Variants in SDC3 observed in about 807,000 individuals in gnomAD.
SDC3 encodes syndecan-3.
SDC3 carries 13 observed loss-of-function variants against 24.4 expected under a neutral mutation model. The observed-to-expected ratio is 0.53, with a 90% CI of 0.35 to 0.85. The LOEUF (loss-of-function observed/expected upper bound fraction) is 0.85. SDC3 is among the 40% of genes least tolerant of loss of function. The pLI is 0.01. For missense variants in SDC3, 571 were observed against 584.5 expected (o/e 0.98, Z 0.24); for synonymous variants, 295 against 260.9 (o/e 1.13, Z -1.26).
rs756547804 is a variant in SDC3 at position 30,888,666 on chromosome 1, G to A, written c.139-9926C>T. Among the ~76,000 whole-genome samples, 7 of 152,262 alleles carry A rather than the reference G, an allele frequency of 4.6e-5. No individual in the cohort carries two copies. In the South Asian group the frequency reaches 8.3e-4, roughly 18 times the overall value. On this transcript the variant is annotated intron_variant, in intron 1 of 4. Coordinates refer to ENST00000339394, the MANE Select transcript of SDC3 (RefSeq NM_014654.4). The stretch of plus-strand genomic sequence containing the variant: ...CTGAGGAGGCGGGCTGTGGTTCCCC[G>A]CACCCTCCTGTTTGCTGGGTTATTT...
intron 1 of SDC3, among the ~76,000 whole-genome samples, chr1:30,904,866 G>T (rs1638484744): frequency 6.6e-6 from 1 of 152,142 alleles, no homozygotes; most frequent in Non-Finnish European, 1.5e-5. Flanking sequence ...TGGCAGGTGT[G>T]CTCGGTCTAC....
rs759931252 is a variant in SDC3, at chr1:30,876,674, T to C, written c.748A>G (p.Ser250Gly). The change falls in exon 3 of 5, where the codon AGC (serine) becomes GGC (glycine). Residue 250 changes from serine to glycine, a missense_variant. This residue lies in a region of SDC3 where 497 missense variants were observed against 471.6 expected (regional missense o/e 1.05). Coordinates refer to ENST00000339394, the MANE Select transcript of SDC3 (RefSeq NM_014654.4). The part of the protein sequence containing the change: ...DTEAPTPRLV[S>G]TATSRPRALP... ...GCTCTTGGCCGGGAGGTAGCTGTGC[T>C]GACCAGCCTGGGTGTTGGGGCCTCG... The C allele has an allele frequency of 6.2e-7, 1 of 1,602,742 alleles. No homozygotes were observed. Among genetic ancestry groups the C allele is most frequent in the Non-Finnish European group, 8.5e-7 (1 of 1,174,374 alleles).
At position 30,885,709 on chromosome 1, in the gene SDC3, C is replaced by T. The variant is rs1190449450; in HGVS notation, c.139-6969G>A. On this transcript the variant is annotated intron_variant, in intron 1 of 4. Coordinates refer to ENST00000339394, the MANE Select transcript of SDC3 (RefSeq NM_014654.4). ...CAGGCTGGCTTGGCAGGACCTGGCTCCCTCCCCTGGCATCAGCCTGTCTGG... is the reference window on the plus strand; with the variant it reads ...CAGGCTGGCTTGGCAGGACCTGGCTTCCTCCCCTGGCATCAGCCTGTCTGG... Among the ~76,000 whole-genome samples the T allele has an allele frequency of 6.6e-5, 10 of 152,342 alleles. 1 individual carries two copies. In the South Asian group the frequency reaches 1.9e-3, roughly 28 times the overall value.
At chr1:30,907,284 C>T (rs893792488) in intron 1 of SDC3, among the ~76,000 whole-genome samples, 1 of 152,174 alleles carries the variant, frequency 6.6e-6, no homozygotes, top group African/African-American at 2.4e-5. Context: ...TCATCTGGGG[C>T]CTGGATCCCT....
At chr1:30,899,923 G>A (rs759134399) in intron 1 of SDC3, among the ~76,000 whole-genome samples, 38 of 152,216 alleles carry the variant, frequency 2.5e-4, no homozygotes, top group Non-Finnish European at 4.8e-4. Flanking sequence ...TGCTGAGTGA[G>A]CAACGCAGTC....
chr1:30,903,175 G>A (rs1638448067), intron 1 of SDC3, among the ~76,000 whole-genome samples: 1 of 152,182 alleles, frequency 6.6e-6, no homozygotes, highest in Non-Finnish European at 1.5e-5. Flanking sequence ...AATGGGGCCA[G>A]TGCTCAGAGA....
At chr1:30,896,735 G>A (rs761427836) in intron 1 of SDC3, among the ~76,000 whole-genome samples, 1 of 152,170 alleles carries the variant, frequency 6.6e-6, no homozygotes, top group Non-Finnish European at 1.5e-5. Flanking sequence ...GCTGAGGTAG[G>A]TGGATCATTT....
At chr1:30,895,860 G>A (rs866649473) in intron 1 of SDC3, among the ~76,000 whole-genome samples, 23 of 151,558 alleles carry the variant, frequency 1.5e-4, no homozygotes, top group African/African-American at 5.1e-4. Context: ...GGAGGAGGGT[G>A]GGAGGAGGGA....
chr1:30,908,110 G>A (rs1021983565), intron 1 of SDC3, among the ~76,000 whole-genome samples: 71 of 152,054 alleles, frequency 4.7e-4, no homozygotes, highest in African/African-American at 1.6e-3. Flanking sequence ...GGAGGTGGGG[G>A]AACAGGGCTG....
upstream of SDC3, among the ~76,000 whole-genome samples, chr1:30,909,236 G>A (rs1306071623): frequency 2.6e-5 from 4 of 152,156 alleles, no homozygotes; most frequent in South Asian, 2.1e-4. Flanking sequence ...CCAAGACCAC[G>A]GGCTTTCATG....
Position 30,873,265 on chromosome 1 carries a change from C to T in SDC3, c.1275G>A (p.Lys425=). ...DEGSYTLEEP[K]QASVTYQKPD... Reference sequence around the variant, plus strand: ...GCTTCTGGTATGTGACGCTCGCCTGCTTGGGTTCCTCCAGCGTGTAGCTGC... The same window carrying T: ...GCTTCTGGTATGTGACGCTCGCCTGTTTGGGTTCCTCCAGCGTGTAGCTGC... The change falls in exon 5 of 5, where the codon AAG becomes AAA. Residue 425 remains lysine (K), a synonymous_variant. Transcript: ENST00000339394. The T allele has an allele frequency of 6.2e-7, 1 of 1,613,740 alleles. No individual in the cohort carries two copies. Among genetic ancestry groups the T allele is most frequent in the South Asian group, 1.1e-5 (1 of 91,078 alleles).
At chr1:30,889,378 G>T (rs908844397) in intron 1 of SDC3, among the ~76,000 whole-genome samples, 1 of 152,096 alleles carries the variant, frequency 6.6e-6, no homozygotes, top group African/African-American at 2.4e-5. Context: ...CTGAAGCACT[G>T]GTTCCCACAC....
intron 1 of SDC3, among the ~76,000 whole-genome samples, chr1:30,897,428 A>T (rs1638296583): frequency 6.6e-6 from 1 of 152,186 alleles, no homozygotes; most frequent in Non-Finnish European, 1.5e-5. Context: ...CTTCCAGCTG[A>T]AATCCTCTCC....
At chr1:30,904,278 T>G (rs1377633851) in intron 1 of SDC3, among the ~76,000 whole-genome samples, 3 of 151,954 alleles carry the variant, frequency 2.0e-5, no homozygotes, top group Non-Finnish European at 4.4e-5. Flanking sequence ...AAAAAATTAT[T>G]GTAAGGATGA....
chr1:30,906,633 C>T (rs569111391), intron 1 of SDC3, among the ~76,000 whole-genome samples: 2 of 152,284 alleles, frequency 1.3e-5, no homozygotes, highest in South Asian at 4.1e-4. Context: ...TCTCAGGACA[C>T]TCGTCAGTCA....
Position 30,878,640 on chromosome 1 carries a change from G to A in SDC3, c.239C>T (p.Ser80Leu), listed in dbSNP as rs767473358. 5 of 1,613,732 alleles carry A rather than the reference G, an allele frequency of 3.1e-6. No homozygotes were observed. The highest frequency in any genetic ancestry group is 4.2e-6 in the Non-Finnish European group (5 of 1,179,598). ...GTACTTACAGCCCGAGCCCGACCCC[G>A]AGTAGAGGTCATCCAGTTCATCATC... Reference protein sequence around the residue: ...FPDDELDDLYSGSGSGYFEQE... With the variant: ...FPDDELDDLYLGSGSGYFEQE... Residue 80 changes from serine to leucine, a missense_variant, in exon 2 of 5, where the codon TCG becomes TTG. By Grantham distance (145) the Ser-to-Leu change is moderately radical (BLOSUM62 -2). Coordinates refer to ENST00000339394, the MANE Select transcript of SDC3 (RefSeq NM_014654.4).
chr1:30,899,307 G>A (rs915555617), intron 1 of SDC3, among the ~76,000 whole-genome samples: 3 of 152,128 alleles, frequency 2.0e-5, no homozygotes, highest in African/African-American at 2.4e-5. Context: ...GGCTGGTCTC[G>A]AACTCCTGAC....
At chr1:30,896,703 T>G (rs774676831) in intron 1 of SDC3, among the ~76,000 whole-genome samples, 1 of 152,034 alleles carries the variant, frequency 6.6e-6, no homozygotes, top group Non-Finnish European at 1.5e-5. Flanking sequence ...TTGGGAGCAT[T>G]TTGGGCTCAG....
chr1:30,877,003 G>GA lies in SDC3; in HGVS notation c.418_419insT (p.Thr140IlefsTer130). The GA allele has an allele frequency of 6.2e-7, 1 of 1,613,806 alleles. No homozygotes were observed. ...GACTTCTGTCACCACCAGGGGGCTG[G>GA]TGGCTGGCTCCAGGGTGGGGCGCTC... On this transcript the variant is annotated frameshift_variant, in exon 3 of 5. Transcript: ENST00000339394. LOFTEE classifies it high-confidence loss of function.
Sources: allele counts gnomAD v4.1 joint callset (sites outside exome capture counted in the v4.1 genomes callset), GRCh38; gene constraint gnomAD v4.1.1; regional missense constraint gnomAD v4.1.1; transcripts MANE v1.5; gene names NCBI Gene and HGNC (gene_info 2026-07-23, HGNC 2026-07-21).